Variants in HEYL observed in about 807,000 individuals in gnomAD.
The protein encoded by HEYL is hes related family bHLH transcription factor with YRPW motif like.
Under a neutral mutation model 18.6 loss-of-function variants are expected in HEYL, and 12 were observed. The ratio of observed to expected loss-of-function variants is 0.65; its 90% confidence interval spans 0.41 to 1.05. The LOEUF (loss-of-function observed/expected upper bound fraction) is 1.05. HEYL is among the 50% of genes least tolerant of loss of function. The pLI is 0.00. For missense variants in HEYL, 420 were observed against 444.7 expected, an observed-to-expected ratio of 0.94 and a Z score of 0.50; for synonymous variants, 159 against 179.6, an observed-to-expected ratio of 0.89 and a Z score of 0.91.
intron 2 of HEYL, 94 bp downstream of exon 2, chr1:39,632,555 G>T: frequency 8.8e-7 from 1 of 1,133,340 alleles, no homozygotes; most frequent in Non-Finnish European, 1.3e-6. Context: ...GCTTCATGGT[G>T]AAATTTCTGC....
Position 39,626,597 on chromosome 1 carries a change from G to C in HEYL, c.897C>G (p.Asn299Lys). The C allele has an allele frequency of 6.4e-7, 1 of 1,554,690 alleles. No homozygotes were observed. The highest frequency in any genetic ancestry group is 8.7e-7 in the Non-Finnish European group (1 of 1,150,226). The stretch of plus-strand genomic sequence containing the variant: ...TCCCAGCTGGCCCTGGGGAGGATGA[G>C]TTGGGGGTGGGAACAGCCACGTAAG... The part of the protein sequence containing the change: ...SAAYVAVPTP[N>K]SSSPGPAGRP... Residue 299 changes from asparagine (N) to lysine (K), a missense_variant, in exon 5 of 5, where the codon AAC becomes AAG. Asn to Lys is a moderately conservative substitution (Grantham distance 94, BLOSUM62 0). Coordinates refer to ENST00000372852, the MANE Select transcript of HEYL (RefSeq NM_014571.4).
intron 4 of HEYL, 103 bp downstream of exon 4, chr1:39,630,124 C>T: frequency 2.2e-6 from 2 of 917,198 alleles, no homozygotes; most frequent in Non-Finnish European, 1.8e-6. Flanking sequence ...CTGAGCTCCT[C>T]AGAGTGGGCA....
Position 39,632,661 on chromosome 1 carries a change from C to T in HEYL, c.135G>A (p.Lys45=). ...TPSSSQMQAR[K]KHRGIIEKRR... is the part of the protein sequence containing the mutation. ...GACGGACACTCACCCCTCTGTGTTTCTTCCTGGCTTGCATCTGCGAAGAGC... is the reference window on the plus strand; with the variant it reads ...GACGGACACTCACCCCTCTGTGTTTTTTCCTGGCTTGCATCTGCGAAGAGC... Residue 45 remains lysine (K), a synonymous_variant, in exon 2 of 5, where the codon AAG becomes AAA. Coordinates refer to ENST00000372852, the MANE Select transcript of HEYL (RefSeq NM_014571.4). The T allele has an allele frequency of 6.2e-7, 1 of 1,613,812 alleles. No homozygotes were observed. Among genetic ancestry groups the T allele is most frequent in the East Asian group, 2.2e-5 (1 of 44,816 alleles).
chr1:39,634,393 C>T (rs1437407982), intron 1 of HEYL, among the ~76,000 whole-genome samples: 1 of 152,184 alleles, frequency 6.6e-6, no homozygotes, highest in African/African-American at 2.4e-5. Context: ...CCATGGCTGG[C>T]CCCAATGTTT....
chr1:39,634,091 G>A (rs539678755), intron 1 of HEYL, among the ~76,000 whole-genome samples: 42 of 152,126 alleles, frequency 2.8e-4, no homozygotes, highest in African/African-American at 1.0e-3. Context: ...CCCAACTTTT[G>A]TTTGTTTGTT....
chr1:39,638,041 G>A (rs1321335617), intron 1 of HEYL, among the ~76,000 whole-genome samples: 1 of 152,216 alleles, frequency 6.6e-6, no homozygotes, highest in East Asian at 1.9e-4. Flanking sequence ...CCACCACGTG[G>A]TGCTGTGCCC....
intron 4 of HEYL, among the ~76,000 whole-genome samples, chr1:39,628,916 A>AACTG (rs1330843979): frequency 6.6e-6 from 1 of 151,938 alleles, no homozygotes; most frequent in Non-Finnish European, 1.5e-5. Flanking sequence ...GTTTTTTTCT[A>AACTG]ACATTTGCTG....
rs1646295230 is a variant in HEYL, at chr1:39,626,119, C to A, written c.*388G>T. 1 of 179,976 alleles carries A rather than the reference C, an allele frequency of 5.6e-6. No homozygotes were observed. The highest frequency in any genetic ancestry group is 6.1e-5 in the Admixed American group (1 of 16,338). The allele number at this position is 179,976 out of a possible 1,614,324, so 11.1% of individuals were successfully genotyped here. On this transcript the variant is annotated 3_prime_UTR_variant, in exon 5 of 5. Transcript: ENST00000372852. The stretch of plus-strand genomic sequence containing the variant: ...TTGCTCCTGACTGGGGTCTGACCGC[C>A]CCAAGGAACAGCCTGCCTTGGGTCC...
intron 1 of HEYL, among the ~76,000 whole-genome samples, chr1:39,636,454 G>A (rs1646362815): frequency 6.6e-6 from 1 of 152,108 alleles, no homozygotes; most frequent in African/African-American, 2.4e-5. Flanking sequence ...TTTTAGTAGA[G>A]ATGGGGTTTC....
At position 39,626,550 on chromosome 1, in the gene HEYL, T is replaced by C; in HGVS notation, c.944A>G (p.Tyr315Cys). The change falls in exon 5 of 5, where the codon TAC becomes TGC. Residue 315 changes from tyrosine to cysteine, a missense_variant. Tyr to Cys is a radical substitution (Grantham distance 194). Transcript: ENST00000372852. The part of the protein sequence containing the change: ...PAGRPAGAML[Y>C]HSWVSEITEI... Reference sequence around the variant, plus strand: ...AGTGATTTCAGAGACCCAGGAGTGGTAGAGCATGGCTCCCGCTGGCCTCCC... The same window carrying C: ...AGTGATTTCAGAGACCCAGGAGTGGCAGAGCATGGCTCCCGCTGGCCTCCC... The C allele has an allele frequency of 1.3e-6, 2 of 1,548,492 alleles. No homozygotes were observed. The highest frequency in any genetic ancestry group is 1.7e-6 in the Non-Finnish European group (2 of 1,146,088).
chr1:39,639,493 A>AC lies in HEYL; in HGVS notation c.80+52dup, dbSNP rs1646376406. 1.7e-5 allele frequency: 25 copies of AC among 1,457,766 alleles called. No homozygotes were observed. The South Asian group carries it at 3.0e-4, about 17-fold the overall frequency. 90.3% of individuals were successfully genotyped at this position (1,457,766 alleles called of 1,614,324 possible). A position where few individuals can be genotyped will look rare whatever the true frequency, so the allele number is the denominator to read the frequency against. On this transcript the variant is annotated intron_variant, in intron 1 of 4. Transcript: ENST00000372852. The stretch of plus-strand genomic sequence containing the variant: ...CCTGCTCGGCGAGCCCGTCGGGCCG[A>AC]CCCCCACCCCGCTCGCCCTCCGCCT...
At chr1:39,632,947 T>TCCTCGCC (rs1405247265) in intron 1 of HEYL, 12 of 984,612 alleles carry the variant, frequency 1.2e-5, no homozygotes, top group Middle Eastern at 1.0e-3. Flanking sequence ...CGCTCCTCGC[T>TCCTCGCC]CCTCGCCCCT....
At chr1:39,628,903 G>A (rs941773938) in intron 4 of HEYL, among the ~76,000 whole-genome samples, 3 of 101,544 alleles carry the variant, frequency 3.0e-5, no homozygotes, top group South Asian at 2.3e-4. Flanking sequence ...CGCCCGGCCC[G>A]CTGTTTTTTT....
In HEYL at chr1:39,627,188, G is replaced by T. The variant is rs749152329; in HGVS notation, c.314-8C>A. ...CTCGGGCATCAAAGAATCCTGCAAAGGGAGGCGTGATGAAGGTCATGCCAG... is the reference window on the plus strand; with the variant it reads ...CTCGGGCATCAAAGAATCCTGCAAATGGAGGCGTGATGAAGGTCATGCCAG... On this transcript the variant is annotated splice_polypyrimidine_tract_variant and splice_region_variant and intron_variant, in intron 4 of 4. Coordinates refer to ENST00000372852, the MANE Select transcript of HEYL (RefSeq NM_014571.4). The T allele has an allele frequency of 6.2e-7, 1 of 1,607,042 alleles. No homozygotes were observed. Among genetic ancestry groups the T allele is most frequent in the East Asian group, 2.2e-5 (1 of 44,752 alleles).
Position 39,626,354 on chromosome 1 carries a change from G to A in HEYL, c.*153C>T, listed in dbSNP as rs2124103471. On this transcript the variant is annotated 3_prime_UTR_variant, in exon 5 of 5. Coordinates refer to ENST00000372852, the MANE Select transcript of HEYL (RefSeq NM_014571.4). ...TGGGATAACAGTGAGAAGGAGAGAT[G>A]GGTTGGAGGAGGAGGGGGCCTCTGA... The A allele has an allele frequency of 1.6e-6, 1 of 636,570 alleles. No individual in the cohort carries two copies. Among genetic ancestry groups the A allele is most frequent in the Non-Finnish European group, 2.6e-6 (1 of 378,370 alleles). The allele number at this position is 636,570 out of a possible 1,614,324, so 39.4% of individuals were successfully genotyped here.
rs150398992 is a variant in HEYL, at chr1:39,634,471, G to A, written c.81-1756C>T. On this transcript the variant is annotated intron_variant, in intron 1 of 4. Coordinates refer to ENST00000372852, the MANE Select transcript of HEYL (RefSeq NM_014571.4). ...CCTGTCAACCCCTCTAGACTCAACC[G>A]TCTTCTTCTGTATGCCCCAGCCTAT... Among the ~76,000 whole-genome samples, 1,283 of 152,162 alleles carry A rather than the reference G, an allele frequency of 8.4e-3. 28 individuals are homozygous for A. The highest frequency in any genetic ancestry group is 0.029 in the African/African-American group (1,209 of 41,498).
chr1:39,630,150 T>G, intron 4 of HEYL, 77 bp downstream of exon 4: 1 of 1,280,152 alleles, frequency 7.8e-7, no homozygotes. Flanking sequence ...TGGACTTTGC[T>G]CACCAGCATA....
rs773824823 is a variant in HEYL at position 39,627,135 on chromosome 1, C to T, written c.359G>A (p.Gly120Asp). The T allele has an allele frequency of 1.9e-6, 3 of 1,613,790 alleles. No homozygotes were observed. Among genetic ancestry groups the T allele is most frequent in the African/African-American group, 2.7e-5 (2 of 74,908 alleles). The change falls in exon 5 of 5, where the codon GGT (glycine) becomes GAT (aspartate). Residue 120 changes from glycine to aspartate, a missense_variant. Physicochemically the swap from Gly to Asp is moderately conservative, Grantham distance 94. Coordinates refer to ENST00000372852, the MANE Select transcript of HEYL (RefSeq NM_014571.4). Reference protein sequence around the residue: ...RALAVDFRSIGFRECLTEVIR... With the variant: ...RALAVDFRSIDFRECLTEVIR... ...GACCTCAGTGAGGCACTCCCGAAAACCAATGCTCCGGAAGTCAACTGCCAG... is the reference window on the plus strand; with the variant it reads ...GACCTCAGTGAGGCACTCCCGAAAATCAATGCTCCGGAAGTCAACTGCCAG...
chr1:39,635,458 T>C (rs1646357563), intron 1 of HEYL, among the ~76,000 whole-genome samples: 1 of 152,238 alleles, frequency 6.6e-6, no homozygotes, highest in East Asian at 1.9e-4. Flanking sequence ...ACGCACCCAT[T>C]TCAGGGCAAA....
Sources: gnomAD v4.1 joint callset for allele counts (sites outside exome capture counted in the v4.1 genomes callset) on GRCh38, gnomAD v4.1.1 for gene constraint, MANE v1.5 for transcripts, NCBI Gene and HGNC (gene_info 2026-07-23, HGNC 2026-07-21) for gene names.